The following CRYBG1 variants were observed in gnomAD, a reference collection of about 807,000 sequenced individuals.
CRYBG1 encodes the protein beta/gamma crystallin domain-containing protein 1.
CRYBG1 carries 139 observed loss-of-function variants against 189.2 expected under a neutral mutation model. That is an observed-to-expected ratio of 0.73 (90% CI 0.64 to 0.85). CRYBG1 has a LOEUF of 0.85. Ranked by LOEUF, CRYBG1 falls within the 40% of genes least tolerant of loss-of-function variation. The pLI is 0.00. For synonymous variants in CRYBG1, 1,023 were observed against 1,017.1 expected (o/e 1.01, Z -0.11); for missense variants, 2,611 against 2,675.8 (o/e 0.98, Z 0.53).
intron 3 of CRYBG1, among the ~76,000 whole-genome samples, chr6:106,515,485 G>A (rs1033038326): frequency 6.6e-6 from 1 of 152,160 alleles, no homozygotes; most frequent in Non-Finnish European, 1.5e-5. Flanking sequence ...ATACTTCGAT[G>A]TTTGAATTGA....
chr6:106,484,903 A>G (rs1375380759), intron 2 of CRYBG1, among the ~76,000 whole-genome samples: 36 of 152,022 alleles, frequency 2.4e-4, no homozygotes, highest in Admixed American at 2.3e-3. Context: ...AGGTAGGAGG[A>G]TTGCTTGAGA....
At chr6:106,536,514 G>A (rs1354290039) in intron 8 of CRYBG1, among the ~76,000 whole-genome samples, 1 of 152,168 alleles carries the variant, frequency 6.6e-6, no homozygotes, top group Non-Finnish European at 1.5e-5. Context: ...GCCATGTCTA[G>A]GGAACACAAC....
At chr6:106,470,323 T>TCAAAA (rs1317150857) in intron 2 of CRYBG1, among the ~76,000 whole-genome samples, 1 of 152,004 alleles carries the variant, frequency 6.6e-6, no homozygotes, top group African/African-American at 2.4e-5. Flanking sequence ...AGACCTTGTC[T>TCAAAA]CAAAACAAAA....
At chr6:106,377,649 T>TATATATATATATA (rs1311795670) in intron 1 of CRYBG1, among the ~76,000 whole-genome samples, 3 of 129,916 alleles carry the variant, frequency 2.3e-5, no homozygotes, top group African/African-American at 1.1e-4. Flanking sequence ...ATATATATAT[T>TATATATATATATA]TTCATTTGCA....
At chr6:106,401,094 T>C (rs926953030) in intron 1 of CRYBG1, among the ~76,000 whole-genome samples, 4 of 152,178 alleles carry the variant, frequency 2.6e-5, no homozygotes, top group East Asian at 1.9e-4. Context: ...TGGGTCATAA[T>C]TGAATTTTCA....
chr6:106,553,422 T>C, intron 15 of CRYBG1, 33 bp from the exon 16 acceptor site: 1 of 1,440,414 alleles, frequency 6.9e-7, no homozygotes. Flanking sequence ...TTTAGGAAAA[T>C]AATTTTATGT....
chr6:106,555,593 A>G (rs1226422864), intron 16 of CRYBG1, among the ~76,000 whole-genome samples, 175 bp from the exon 17 acceptor site: 1 of 152,162 alleles, frequency 6.6e-6, no homozygotes, highest in Non-Finnish European at 1.5e-5. Flanking sequence ...TATGAATATT[A>G]TTTTGCCACA....
At chr6:106,467,411 G>A (rs1772136465) in intron 2 of CRYBG1, among the ~76,000 whole-genome samples, 1 of 152,116 alleles carries the variant, frequency 6.6e-6, no homozygotes, top group Non-Finnish European at 1.5e-5. Flanking sequence ...AGTTGAGGCT[G>A]CAGTGAGCCC....
chr6:106,375,098 T>C (rs755323465), intron 1 of CRYBG1, among the ~76,000 whole-genome samples: 30 of 152,292 alleles, frequency 2.0e-4, no homozygotes, highest in Non-Finnish European at 3.7e-4. Context: ...TAAAGAGCAC[T>C]GTGGCCAGGC....
intron 2 of CRYBG1, among the ~76,000 whole-genome samples, chr6:106,506,101 G>A (rs77671757): frequency 0.022 from 3,407 of 152,276 alleles, 48 homozygotes; most frequent in Middle Eastern, 0.034. Flanking sequence ...CACTCTGGCA[G>A]AATAAAGCTG....
In CRYBG1 at chr6:106,418,364, C is replaced by T. The variant is rs116929722; in HGVS notation, c.174-33330C>T. 1.3e-4 allele frequency among the ~76,000 whole-genome samples: 20 copies of T among 152,366 alleles called. No individual in the cohort carries two copies. The East Asian group carries it at 3.7e-3, about 28-fold the overall frequency. ...TCTCACCCTGTGTCACAGGTTTCAT[C>T]TGGGACCAGCAGTCTGATCTTTCAG... is the stretch of plus-strand genomic sequence containing the variant. On this transcript the variant is annotated intron_variant, in intron 1 of 21. Transcript: ENST00000633556.
rs1370587629 is a variant in CRYBG1 at position 106,519,634 on chromosome 6, A to C, written c.2426A>C (p.Asp809Ala). ...PVASALIPVK[D>A]HKLLEKEDSE... The stretch of plus-strand genomic sequence containing the variant: ...GCTTCTGCTCTGATTCCTGTCAAGG[A>C]TCATAAGCTCTTAGAGAAGGAGGAC... Residue 809 changes from aspartate (D) to alanine (A), a missense_variant, in exon 4 of 22, where the codon GAT (aspartate) becomes GCT (alanine). Transcript: ENST00000633556. 1 of 1,614,206 alleles carries C rather than the reference A, an allele frequency of 6.2e-7. No individual in the cohort carries two copies. The highest frequency in any genetic ancestry group is 8.5e-7 in the Non-Finnish European group (1 of 1,180,014).
At chr6:106,493,002 G>A (rs1772760415) in intron 2 of CRYBG1, among the ~76,000 whole-genome samples, 2 of 149,960 alleles carry the variant, frequency 1.3e-5, no homozygotes, top group Admixed American at 6.6e-5. Flanking sequence ...AGGAGAGCCT[G>A]TTAATCTATT....
At chr6:106,545,678 C>T (rs1248824947) in intron 13 of CRYBG1, among the ~76,000 whole-genome samples, 1 of 111,412 alleles carries the variant, frequency 9.0e-6, no homozygotes, top group African/African-American at 2.7e-5. Context: ...AGCTTTTGTT[C>T]TCCTAACTCT....
intron 8 of CRYBG1, among the ~76,000 whole-genome samples, chr6:106,532,035 T>C (rs1773884722): frequency 6.6e-6 from 1 of 152,172 alleles, no homozygotes; most frequent in African/African-American, 2.4e-5. Flanking sequence ...TTATTTTTAA[T>C]TGACACATAA....
chr6:106,500,673 C>T (rs117657016), intron 2 of CRYBG1, among the ~76,000 whole-genome samples: 4,332 of 152,146 alleles, frequency 0.028, 72 homozygotes, highest in Non-Finnish European at 0.038. Flanking sequence ...TGATACAATC[C>T]CATTTGTCTA....
chr6:106,504,976 A>C (rs1050121187), intron 2 of CRYBG1, among the ~76,000 whole-genome samples: 5 of 152,264 alleles, frequency 3.3e-5, no homozygotes, highest in Middle Eastern at 3.4e-3. Flanking sequence ...ATGTCTCATA[A>C]AAGTCTTTCT....
chr6:106,566,628 C>A (rs1385268368), intron 21 of CRYBG1, among the ~76,000 whole-genome samples: 2 of 151,894 alleles, frequency 1.3e-5, no homozygotes, highest in East Asian at 3.9e-4. Context: ...CCTGCCACCA[C>A]GCCCGGCTAG....
chr6:106,497,276 G>C (rs562117216), intron 2 of CRYBG1, among the ~76,000 whole-genome samples: 1 of 152,276 alleles, frequency 6.6e-6, no homozygotes, highest in East Asian at 1.9e-4. Context: ...AGTGGGAAAA[G>C]ACATTCGATG....
Sources: allele counts gnomAD v4.1 joint callset (sites outside exome capture counted in the v4.1 genomes callset), GRCh38; gene constraint gnomAD v4.1.1; transcripts MANE v1.5; gene names NCBI Gene and HGNC (gene_info 2026-07-23, HGNC 2026-07-21).